B3GALT1: variants seen among roughly 807,000 people sequenced by gnomAD.
B3GALT1 encodes UDP-Gal:betaGlcNAc beta 1,3-galactosyltransferase, polypeptide 1.
B3GALT1 carries 10 observed loss-of-function variants against 23.2 expected under a neutral mutation model. The ratio of observed to expected loss-of-function variants is 0.43; its 90% CI spans 0.27 to 0.73. B3GALT1 has a LOEUF of 0.73. B3GALT1 is among the 30% of genes least tolerant of loss of function. The pLI, the probability that B3GALT1 is intolerant of heterozygous loss-of-function variation, is 0.21. For missense variants in B3GALT1, 299 were observed against 405.4 expected (o/e 0.74, Z 2.25); for synonymous variants, 156 against 141.5 (o/e 1.10, Z -0.73).
At chr2:167,581,314 C>T (rs983877748) in intron 2 of B3GALT1, among the ~76,000 whole-genome samples, 2 of 152,088 alleles carry the variant, frequency 1.3e-5, no homozygotes, top group Non-Finnish European at 2.9e-5. Context: ...GGTAGAGGTA[C>T]CTACAAAATG....
At chr2:167,410,232 G>A (rs891233649) in intron 1 of B3GALT1, among the ~76,000 whole-genome samples, 8 of 152,116 alleles carry the variant, frequency 5.3e-5, no homozygotes, top group African/African-American at 1.9e-4. Context: ...GGCCGGGTGC[G>A]GTGGCTCACA....
intron 1 of B3GALT1, among the ~76,000 whole-genome samples, chr2:167,487,849 G>GT (rs1346345272): frequency 3.3e-5 from 5 of 152,100 alleles, no homozygotes; most frequent in Non-Finnish European, 7.4e-5. Context: ...TGGATTTATC[G>GT]TGAGTATGCA....
intron 1 of B3GALT1, among the ~76,000 whole-genome samples, chr2:167,479,747 C>G (rs1378404903): frequency 1.3e-5 from 2 of 151,920 alleles, no homozygotes; most frequent in African/African-American, 4.8e-5. Flanking sequence ...ACAGACAAAA[C>G]CAGTTCACCG....
intron 1 of B3GALT1, among the ~76,000 whole-genome samples, chr2:167,305,718 T>A (rs963302033): frequency 6.6e-6 from 1 of 152,096 alleles, no homozygotes; most frequent in African/African-American, 2.4e-5. Context: ...GTATACACAT[T>A]TATTGTGAAC....
chr2:167,661,236 G>A (rs1473353797), intron 3 of B3GALT1, among the ~76,000 whole-genome samples: 3 of 152,064 alleles, frequency 2.0e-5, no homozygotes, highest in Admixed American at 6.6e-5. Flanking sequence ...AATCTTGTTA[G>A]TATTTTATTG....
At chr2:167,348,546 C>A (rs1697259841) in intron 1 of B3GALT1, among the ~76,000 whole-genome samples, 1 of 152,086 alleles carries the variant, frequency 6.6e-6, no homozygotes, top group East Asian at 1.9e-4. Context: ...TAAATTCAAA[C>A]TTCTTAATCT....
chr2:167,345,065 C>G (rs1000927811), intron 1 of B3GALT1, among the ~76,000 whole-genome samples: 1 of 152,004 alleles, frequency 6.6e-6, no homozygotes, highest in Non-Finnish European at 1.5e-5. Context: ...ATTTATTGAA[C>G]CCTTACTATG....
chr2:167,393,701 T>C (rs1341588809), intron 1 of B3GALT1, among the ~76,000 whole-genome samples: 1 of 151,296 alleles, frequency 6.6e-6, no homozygotes, highest in Admixed American at 6.6e-5. Context: ...CTCAATTCAA[T>C]CTTTTGACAT....
At chr2:167,440,520 T>G (rs2105312614) in intron 1 of B3GALT1, among the ~76,000 whole-genome samples, 1 of 152,234 alleles carries the variant, frequency 6.6e-6, no homozygotes, top group Non-Finnish European at 1.5e-5. Context: ...TGTTTTTTTG[T>G]AAAATTATTT....
At chr2:167,367,444 G>A (rs1051976034) in intron 1 of B3GALT1, among the ~76,000 whole-genome samples, 1 of 152,174 alleles carries the variant, frequency 6.6e-6, no homozygotes, top group Admixed American at 6.5e-5. Context: ...TGGATAGAGA[G>A]ACAAGAGAAT....
rs182826283 is a variant in B3GALT1 at position 167,668,484 on chromosome 2, C to A, written c.-352+21518C>A. Among the ~76,000 whole-genome samples, 6 of 152,240 alleles carry A rather than the reference C, an allele frequency of 3.9e-5. No homozygotes were observed. In the South Asian group the frequency reaches 1.2e-3, roughly 32 times the overall value. On this transcript the variant is annotated intron_variant, in intron 3 of 4. Transcript: ENST00000392690. ...GAGCTGTGGTGGGCTTCACCCAGTT[C>A]GAGCTTCCCGGCTGCTTTGTTTACC...
chr2:167,495,491 G>A (rs1487035433), intron 2 of B3GALT1, among the ~76,000 whole-genome samples: 3 of 151,892 alleles, frequency 2.0e-5, no homozygotes, highest in Non-Finnish European at 4.4e-5. Context: ...GCGCCACCAC[G>A]CCAGGGTAAT....
intron 4 of B3GALT1, among the ~76,000 whole-genome samples, chr2:167,846,935 A>G (rs1219067377): frequency 1.3e-5 from 2 of 152,228 alleles, no homozygotes; most frequent in Non-Finnish European, 2.9e-5. Flanking sequence ...AATGGACACC[A>G]AAAATGAGCA....
intron 3 of B3GALT1, among the ~76,000 whole-genome samples, chr2:167,667,279 C>A (rs1686216716): frequency 6.6e-6 from 1 of 152,094 alleles, no homozygotes; most frequent in East Asian, 1.9e-4. Context: ...AATATTGGCC[C>A]CCACTCTCTT....
rs1165619983 is a variant in B3GALT1 at position 167,871,964 on chromosome 2, C to G, written c.*1944C>G. The G allele has an allele frequency of 1.5e-5, 2 of 130,116 alleles. No individual in the cohort carries two copies. The highest frequency in any genetic ancestry group is 3.1e-5 in the Non-Finnish European group (2 of 64,570). 8.1% of individuals were successfully genotyped at this position (130,116 alleles called of 1,614,324 possible). A position where few individuals can be genotyped will look rare whatever the true frequency, so the allele number is the denominator to read the frequency against. ...TGGCCCAGGCGGGAGTGCAGTGGCA[C>G]AATCTCGGCTCACTGCAAGCTCCGC... On this transcript the variant is annotated 3_prime_UTR_variant, in exon 5 of 5. Coordinates refer to ENST00000392690, the MANE Select transcript of B3GALT1 (RefSeq NM_020981.4).
At chr2:167,617,468 C>T (rs1208608841) in intron 2 of B3GALT1, among the ~76,000 whole-genome samples, 1 of 151,938 alleles carries the variant, frequency 6.6e-6, no homozygotes, top group Non-Finnish European at 1.5e-5. Context: ...TAAGGAATAG[C>T]CCATTATTCC....
At chr2:167,802,972 C>T (rs983404414) in intron 3 of B3GALT1, among the ~76,000 whole-genome samples, 1 of 152,060 alleles carries the variant, frequency 6.6e-6, no homozygotes, top group African/African-American at 2.4e-5. Flanking sequence ...AGTACCTACA[C>T]ATGTGTTATT....
At chr2:167,816,331 A>G (rs1297625518) in intron 3 of B3GALT1, among the ~76,000 whole-genome samples, 2 of 152,216 alleles carry the variant, frequency 1.3e-5, no homozygotes, top group East Asian at 3.8e-4. Flanking sequence ...AAAAATCCCA[A>G]AACAAAACAG....
intron 2 of B3GALT1, among the ~76,000 whole-genome samples, chr2:167,565,590 A>G (rs1351989202): frequency 1.3e-5 from 2 of 152,192 alleles, no homozygotes; most frequent in Non-Finnish European, 2.9e-5. Flanking sequence ...ATGGGAGACA[A>G]TTTTCGCAAC....
Sources: allele counts gnomAD v4.1 joint callset (sites outside exome capture counted in the v4.1 genomes callset), GRCh38; gene constraint gnomAD v4.1.1; transcripts MANE v1.5; gene names NCBI Gene and HGNC (gene_info 2026-07-23, HGNC 2026-07-21).